MGRN1: variants seen among roughly 807,000 people sequenced by gnomAD.
The protein encoded by MGRN1 is E3 ubiquitin-protein ligase MGRN1.
MGRN1 carries 29 observed loss-of-function variants against 69.2 expected under a neutral mutation model. The ratio of observed to expected loss-of-function variants is 0.42; its 90% CI spans 0.31 to 0.57. The LOEUF (loss-of-function observed/expected upper bound fraction) is 0.57, where lower values mean the gene tolerates loss of function less well. Ranked by LOEUF, MGRN1 falls within the 20% of genes least tolerant of loss-of-function variation. The probability of loss-of-function intolerance (pLI) is 0.15; values close to 1 mark genes in which losing one functional copy is unlikely to be tolerated. For synonymous variants in MGRN1, 470 were observed against 344.2 expected (o/e 1.37, Z -4.04); for missense variants, 998 against 796.2 (o/e 1.25, Z -3.05).
At chr16:4,681,060 C>A (rs904751432) in intron 12 of MGRN1, among the ~76,000 whole-genome samples, 2 of 152,212 alleles carry the variant, frequency 1.3e-5, no homozygotes, top group African/African-American at 4.8e-5. Flanking sequence ...GGCTCTTAGC[C>A]AGGGTGCCCG....
intron 16 of MGRN1, chr16:4,686,675 G>A: frequency 1.9e-6 from 2 of 1,071,696 alleles, no homozygotes; most frequent in Non-Finnish European, 2.3e-6. Context: ...AGGGATGAGG[G>A]CAGCACCGTG....
At chr16:4,669,604 A>G (rs941967698) in intron 8 of MGRN1, among the ~76,000 whole-genome samples, 1 of 152,144 alleles carries the variant, frequency 6.6e-6, no homozygotes, top group African/African-American at 2.4e-5. Context: ...TGTCTGGAAC[A>G]TAGTGTTAAG....
At chr16:4,674,886 C>G (rs982066089) in intron 10 of MGRN1, among the ~76,000 whole-genome samples, 1 of 150,924 alleles carries the variant, frequency 6.6e-6, no homozygotes. Context: ...ATGATCCACC[C>G]GCCTCGGCCT....
chr16:4,657,319 C>T lies in MGRN1; in HGVS notation c.517C>T (p.Leu173=). 3 of 1,614,162 alleles carry T rather than the reference C, an allele frequency of 1.9e-6. No individual in the cohort carries two copies. Among genetic ancestry groups the T allele is most frequent in the Middle Eastern group, 1.6e-4 (1 of 6,062 alleles). Residue 173 remains leucine, a synonymous_variant, in exon 5 of 17, where the codon CTG becomes TTG. Coordinates refer to ENST00000262370, the MANE Select transcript of MGRN1 (RefSeq NM_015246.4). ...GAGAGGGGTGAGCCAGCAGTTCTCC[C>T]TGCCCTCCTTCAAGATTGACTTCTC... The part of the protein sequence containing the change: ...YKRGVSQQFS[L]PSFKIDFSEW...
Position 4,666,882 on chromosome 16 carries a change from GAC to G in MGRN1, c.679-1380_679-1379del, listed in dbSNP as rs577510637. Among the ~76,000 whole-genome samples the G allele has an allele frequency of 6.6e-5, 10 of 152,342 alleles. No individual in the cohort carries two copies. In the South Asian group the frequency reaches 2.1e-3, roughly 32 times the overall value. ...TGAGTTTGATGTCTGGCACAGAGCAGACACTCAGAACACTGGCAGGATGGACG... is the reference window on the plus strand; with the variant it reads ...TGAGTTTGATGTCTGGCACAGAGCAGACTCAGAACACTGGCAGGATGGACG... On this transcript the variant is annotated intron_variant, in intron 7 of 16. Coordinates refer to ENST00000262370, the MANE Select transcript of MGRN1 (RefSeq NM_015246.4).
At chr16:4,664,431 A>G (rs1255620274) in intron 5 of MGRN1, 2 of 478,422 alleles carry the variant, frequency 4.2e-6, no homozygotes, top group Non-Finnish European at 7.5e-6. Context: ...AGTTCTGGAA[A>G]TGGATGGTGG....
chr16:4,630,017 T>G (rs1897915568), intron 1 of MGRN1, among the ~76,000 whole-genome samples: 2 of 140,068 alleles, frequency 1.4e-5, no homozygotes, highest in East Asian at 2.1e-4. Context: ...GCCACTGCAC[T>G]GCAGCCTGGG....
rs577476440 is a variant in MGRN1, at chr16:4,686,683, G to A, written c.1619-2113G>A. 99 of 1,052,612 alleles carry A rather than the reference G, an allele frequency of 9.4e-5. No homozygotes were observed. In the South Asian group the frequency reaches 3.1e-3, roughly 33 times the overall value. 65.2% of individuals were successfully genotyped at this position (1,052,612 alleles called of 1,614,324 possible). ...GAGCTTGAGGGATGAGGGCAGCACC[G>A]TGGAGGGAACCCCAGGGAGACATGG... On this transcript the variant is annotated intron_variant, in intron 16 of 16. Transcript: ENST00000262370.
chr16:4,637,459 CT>C (rs1274705196), intron 1 of MGRN1, among the ~76,000 whole-genome samples: 2 of 152,024 alleles, frequency 1.3e-5, no homozygotes, highest in South Asian at 2.1e-4. Flanking sequence ...ATTGAGTTAT[CT>C]TTTTTTCTTA....
At chr16:4,666,425 C>T (rs1260625105) in intron 7 of MGRN1, among the ~76,000 whole-genome samples, 1 of 152,226 alleles carries the variant, frequency 6.6e-6, no homozygotes, top group Non-Finnish European at 1.5e-5. Context: ...AGCCACCGTA[C>T]CTGGCCAAGA....
intron 16 of MGRN1, chr16:4,688,519 G>A: frequency 8.2e-7 from 1 of 1,226,516 alleles, no homozygotes; most frequent in Non-Finnish European, 1.0e-6. Context: ...ATCCACCGCG[G>A]TGCCGTGTCG....
chr16:4,648,933 C>G (rs967704205), intron 1 of MGRN1: 1 of 160,892 alleles, frequency 6.2e-6, no homozygotes, highest in East Asian at 1.9e-4. Context: ...CGTGGTCACC[C>G]GGGTCCTCCT....
At chr16:4,682,070 T>C (rs1299953846) in intron 13 of MGRN1, among the ~76,000 whole-genome samples, 1 of 152,224 alleles carries the variant, frequency 6.6e-6, no homozygotes, top group Non-Finnish European at 1.5e-5. Context: ...GGGTCGGTGC[T>C]GTGTCTCTGC....
intron 1 of MGRN1, among the ~76,000 whole-genome samples, chr16:4,643,973 T>G (rs199674537): frequency 6.6e-6 from 1 of 151,612 alleles, no homozygotes; most frequent in Non-Finnish European, 1.5e-5. Context: ...TAGTTTTTTT[T>G]GTTTGTTTGT....
At chr16:4,676,083 G>A (rs1406638616) in intron 10 of MGRN1, among the ~76,000 whole-genome samples, 1 of 152,258 alleles carries the variant, frequency 6.6e-6, no homozygotes, top group African/African-American at 2.4e-5. Flanking sequence ...CGGGCGTGGG[G>A]CTGTGCGAGG....
rs912214666 is a variant in MGRN1 at position 4,633,252 on chromosome 16, G to C, written c.88+8204G>C. On this transcript the variant is annotated intron_variant, in intron 1 of 16. Transcript: ENST00000262370. ...AAAATCCAAAAAATTAGCTGGACGT[G>C]GTGGTGGGTGCCCATAATCCCAGCT... is the stretch of plus-strand genomic sequence containing the variant. Among the ~76,000 whole-genome samples, 47 of 151,994 alleles carry C rather than the reference G, an allele frequency of 3.1e-4. 1 individual carries two copies. The highest frequency in any genetic ancestry group is 1.1e-3 in the African/African-American group (46 of 41,344).
At chr16:4,665,188 G>A in intron 7 of MGRN1, 37 bp downstream of exon 7, 2 of 1,612,842 alleles carry the variant, frequency 1.2e-6, no homozygotes, top group Non-Finnish European at 1.7e-6. Context: ...CCGGGGACCT[G>A]GGAGCTGGGC....
chr16:4,679,249 C>G (rs2079122449), intron 11 of MGRN1, among the ~76,000 whole-genome samples: 1 of 152,212 alleles, frequency 6.6e-6, no homozygotes. Flanking sequence ...TTTATTGTCC[C>G]TTGTTTTTGC....
chr16:4,677,590 C>G lies in MGRN1; in HGVS notation c.1065+18C>G. The stretch of plus-strand genomic sequence containing the variant: ...AGCACTCTGTAAGTGCCGCCTCCTG[C>G]CTGCGGGATGGGCGGGAGAGGGGCA... On this transcript the variant is annotated intron_variant, in intron 11 of 16. Transcript: ENST00000262370. 6.3e-7 allele frequency: 1 copy of G among 1,596,172 alleles called. No individual in the cohort carries two copies. Among genetic ancestry groups the G allele is most frequent in the Non-Finnish European group, 8.5e-7 (1 of 1,177,042 alleles).
Sources: gnomAD v4.1 joint callset for allele counts (sites outside exome capture counted in the v4.1 genomes callset) on GRCh38, gnomAD v4.1.1 for gene constraint, MANE v1.5 for transcripts, NCBI Gene and HGNC (gene_info 2026-07-23, HGNC 2026-07-21) for gene names.